The following ACTN1 variants were observed in gnomAD, a reference collection of about 807,000 sequenced individuals.
ACTN1 encodes actinin alpha 1.
Under a neutral mutation model 119.6 loss-of-function variants are expected in ACTN1, and 30 were observed. That is an observed-to-expected ratio of 0.25 (90% confidence interval 0.19 to 0.34). ACTN1 has a LOEUF of 0.34. ACTN1 is among the 10% of genes least tolerant of loss of function. The probability of loss-of-function intolerance (pLI) is 1.00; values close to 1 mark genes in which losing one functional copy is unlikely to be tolerated. For missense variants in ACTN1, 764 were observed against 1,223.4 expected (o/e 0.62, Z 5.60); for synonymous variants, 429 against 472.6 (o/e 0.91, Z 1.20).
intron 1 of ACTN1, among the ~76,000 whole-genome samples, chr14:68,928,118 G>A (rs1481187887): frequency 2.6e-5 from 4 of 152,190 alleles, no homozygotes; most frequent in Admixed American, 6.5e-5. Context: ...GAGCCCACCC[G>A]CCCAGCTGGG....
At chr14:68,887,718 A>T in intron 11 of ACTN1, 1 of 1,385,554 alleles carries the variant, frequency 7.2e-7, no homozygotes, top group African/African-American at 1.4e-5. Context: ...AATAGTTGAT[A>T]AAAAATATTC....
Position 68,952,121 on chromosome 14 carries a change from C to T in ACTN1, c.106-26449G>A, listed in dbSNP as rs189352623. Among the ~76,000 whole-genome samples the T allele has an allele frequency of 1.4e-4, 22 of 152,356 alleles. 1 individual carries two copies. The highest frequency in any genetic ancestry group is 8.3e-4 in the South Asian group (4 of 4,830). Reference sequence around the variant, plus strand: ...AGGTCTGGTTCAGTCTCCAGCTTTCCGGGCCTCAGTTTCTTTATCTGACAG... The same window carrying T: ...AGGTCTGGTTCAGTCTCCAGCTTTCTGGGCCTCAGTTTCTTTATCTGACAG... On this transcript the variant is annotated intron_variant, in intron 1 of 21. Coordinates refer to ENST00000394419, the MANE Select transcript of ACTN1 (RefSeq NM_001130004.2).
chr14:68,875,295 ATCT>A (rs1304579769), intron 21 of ACTN1: 3 of 781,382 alleles, frequency 3.8e-6, no homozygotes, highest in African/African-American at 3.5e-5. Flanking sequence ...ACCTATAATC[ATCT>A]TCTGAATCAC....
At chr14:68,958,185 T>C (rs1225954700) in intron 1 of ACTN1, among the ~76,000 whole-genome samples, 2 of 152,332 alleles carry the variant, frequency 1.3e-5, no homozygotes, top group South Asian at 4.1e-4. Context: ...TAAACCGCTT[T>C]CTATGATTAA....
chr14:68,978,130 A>G, intron 1 of ACTN1: 1 of 455,688 alleles, frequency 2.2e-6, no homozygotes, highest in South Asian at 1.6e-5. Flanking sequence ...CTCCGTGGCT[A>G]AGTAGGGATC....
chr14:68,972,267 T>C (rs2300875), intron 1 of ACTN1, among the ~76,000 whole-genome samples: 31,099 of 151,882 alleles, frequency 0.2, 3,344 homozygotes, highest in Non-Finnish European at 0.22. Flanking sequence ...CTACAAAAGC[T>C]CCCGCCCTTA....
chr14:68,958,800 C>T lies in ACTN1; in HGVS notation c.105+20152G>A, dbSNP rs114861241. Among the ~76,000 whole-genome samples, 1,254 of 152,300 alleles carry T rather than the reference C, an allele frequency of 8.2e-3. 18 individuals are homozygous for T. The highest frequency in any genetic ancestry group is 0.029 in the African/African-American group (1,190 of 41,558). On this transcript the variant is annotated intron_variant, in intron 1 of 21. Transcript: ENST00000394419. ...GGCGTGAGGCAGCTGGTAAGGGGGA[C>T]TTGCCCAGGCCCAGCCCCGACTGAC...
intron 1 of ACTN1, among the ~76,000 whole-genome samples, chr14:68,950,462 G>GTGTGTGTGTGTGTGTGTATGTATA: frequency 7.9e-6 from 1 of 125,912 alleles, no homozygotes; most frequent in African/African-American, 4.1e-5. Context: ...ATGCGTGTGT[G>GTGTGTGTGTGTGTGTGTATGTATA]TATATATATA....
At chr14:68,902,779 G>A (rs893127570) in intron 7 of ACTN1, among the ~76,000 whole-genome samples, 5 of 152,166 alleles carry the variant, frequency 3.3e-5, no homozygotes, top group South Asian at 4.1e-4. Context: ...CCCAGTATAA[G>A]GAACTTGCTA....
At chr14:68,913,339 T>C (rs1490723457) in intron 3 of ACTN1, among the ~76,000 whole-genome samples, 1 of 152,216 alleles carries the variant, frequency 6.6e-6, no homozygotes, top group Non-Finnish European at 1.5e-5. Flanking sequence ...GACCAGGAGA[T>C]AGTAATCCGG....
At chr14:68,876,730 CG>C (rs1303468868) in intron 21 of ACTN1, among the ~76,000 whole-genome samples, 1 of 152,166 alleles carries the variant, frequency 6.6e-6, no homozygotes, top group Non-Finnish European at 1.5e-5. Flanking sequence ...TGCCGATGCG[CG>C]GGATGAGACC....
In ACTN1 at chr14:68,880,258, C is replaced by T. The variant is rs1407741803; in HGVS notation, c.2134-150G>A. On this transcript the variant is annotated intron_variant, in intron 17 of 21. Coordinates refer to ENST00000394419, the MANE Select transcript of ACTN1 (RefSeq NM_001130004.2). The surrounding 1 kb of genome is among the most constrained non-coding windows in gnomAD (Gnocchi z 4.6). ...TGAGTGTCACCAGAGGAAGGGGAAC[C>T]AGGACAAGGACAACCTACTAGGACA... 1.0e-6 allele frequency: 1 copy of T among 977,006 alleles called. No individual in the cohort carries two copies. Among genetic ancestry groups the T allele is most frequent in the Admixed American group, 2.8e-5 (1 of 36,300 alleles). The allele number at this position is 977,006 out of a possible 1,614,324, so 60.5% of individuals were successfully genotyped here.
chr14:68,896,005 CAGA>C (rs1327099545), intron 8 of ACTN1, among the ~76,000 whole-genome samples: 2 of 152,172 alleles, frequency 1.3e-5, no homozygotes, highest in East Asian at 3.9e-4. Flanking sequence ...ATGGCCTCTC[CAGA>C]AGGAGACTGA....
chr14:68,887,439 T>A, intron 11 of ACTN1: 1 of 868,954 alleles, frequency 1.2e-6, no homozygotes, highest in Non-Finnish European at 1.6e-6. Context: ...AATGCAGGAC[T>A]GACTCCATAT....
intron 1 of ACTN1, chr14:68,936,701 G>C (rs2035536002): frequency 6.3e-6 from 4 of 636,698 alleles, no homozygotes; most frequent in Non-Finnish European, 1.2e-5. Flanking sequence ...AGAAGCCGGA[G>C]GAAAGGGGCT....
intron 8 of ACTN1, among the ~76,000 whole-genome samples, chr14:68,895,249 T>C (rs2032787300): frequency 6.6e-6 from 1 of 152,080 alleles, no homozygotes; most frequent in Non-Finnish European, 1.5e-5. Context: ...GTCACATCCT[T>C]AGGCCCTCAC....
At chr14:68,960,194 A>AAGGGGAGGC (rs2036481638) in intron 1 of ACTN1, among the ~76,000 whole-genome samples, 1 of 152,128 alleles carries the variant, frequency 6.6e-6, no homozygotes, top group African/African-American at 2.4e-5. Flanking sequence ...GAGGAGGAGG[A>AAGGGGAGGC]AGGGGAGGCA....
At chr14:68,881,936 C>CCTTTTTTTTTTTTTTTTT (rs2031552165) in intron 16 of ACTN1, among the ~76,000 whole-genome samples, 2 of 58,394 alleles carry the variant, frequency 3.4e-5, no homozygotes, top group African/African-American at 2.1e-4. Context: ...TAGGCAGCTT[C>CCTTTTTTTTTTTTTTTTT]TTTTTTTTTT....
rs2030630779 is a variant in ACTN1 at position 68,874,666 on chromosome 14, C to CA, written c.*192_*193insT. 2.1e-6 allele frequency: 1 copy of CA among 469,822 alleles called. No individual in the cohort carries two copies. The allele number at this position is 469,822 out of a possible 1,614,324, so 29.1% of individuals were successfully genotyped here. A position where few individuals can be genotyped will look rare whatever the true frequency, so the allele number is the denominator to read the frequency against. On this transcript the variant is annotated 3_prime_UTR_variant, in exon 22 of 22. Transcript: ENST00000394419. ...TGTAGTTTTTTGGTTTTTAACGTAACTTTTTTTTCTTTTTTGCAGAAAATA... is the reference window on the plus strand; with the variant it reads ...TGTAGTTTTTTGGTTTTTAACGTAACATTTTTTTTCTTTTTTGCAGAAAATA...
Sources: gnomAD v4.1 joint callset for allele counts (sites outside exome capture counted in the v4.1 genomes callset) on GRCh38, gnomAD v4.1.1 for gene constraint, Gnocchi (gnomAD v3.1) non-coding constraint, MANE v1.5 for transcripts, NCBI Gene and HGNC (gene_info 2026-07-23, HGNC 2026-07-21) for gene names.